The following ZNF469 variants were observed in gnomAD, a reference collection of about 807,000 sequenced individuals.
ZNF469 encodes zinc finger protein 469.
Under a neutral mutation model 1.0 loss-of-function variants are expected in ZNF469, and 1 was observed. The ratio of observed to expected loss-of-function variants is 1.00; its 90% CI spans 0.35 to 4.73. The LOEUF is 4.73. Among genes scored for constraint, ZNF469 ranks in the 30% most tolerant of loss-of-function variants. The pLI is 0.16. For synonymous variants in ZNF469, 2,703 were observed against 2,363.4 expected, an observed-to-expected ratio of 1.14 and a Z score of -4.17; for missense variants, 6,100 against 5,356.3, an observed-to-expected ratio of 1.14 and a Z score of -4.33.
At chr16:88,150,079 G>A in the ZNF469 span, among the ~76,000 whole-genome samples, 38 of 152,290 alleles carry the variant, frequency 2.5e-4, no homozygotes, top group East Asian at 4.4e-3. Context: ...AGGCCGAGGC[G>A]GGTGGATCAC....
the ZNF469 span, among the ~76,000 whole-genome samples, chr16:88,222,371 C>G: frequency 1.3e-5 from 2 of 152,186 alleles, no homozygotes; most frequent in Admixed American, 1.3e-4. Context: ...CCACTGCAGC[C>G]TCAACCTCCT....
At chr16:88,292,276 C>T in the ZNF469 span, among the ~76,000 whole-genome samples, 8 of 152,168 alleles carry the variant, frequency 5.3e-5, no homozygotes, top group Non-Finnish European at 1.2e-4. Context: ...CTTGGGTCCC[C>T]AGCACCGAGG....
intron 1 of ZNF469, among the ~76,000 whole-genome samples, chr16:88,399,786 A>C (rs1408634569): frequency 6.6e-6 from 1 of 152,026 alleles, no homozygotes; most frequent in Non-Finnish European, 1.5e-5. Context: ...CTTCCTTCTC[A>C]CCCAACGCCC....
At chr16:88,331,534 TATC>T in the ZNF469 span, among the ~76,000 whole-genome samples, 2 of 101,236 alleles carry the variant, frequency 2.0e-5, no homozygotes, top group African/African-American at 8.0e-5. Flanking sequence ...CTACCATCAC[TATC>T]ATCACCATCA....
At chr16:88,170,269 G>A in the ZNF469 span, among the ~76,000 whole-genome samples, 9 of 152,172 alleles carry the variant, frequency 5.9e-5, no homozygotes, top group African/African-American at 1.9e-4. This position sits in a 1 kb window ranked among gnomAD's most constrained non-coding sequence, Gnocchi z 4.2. Context: ...CACATCCATC[G>A]CCCTACAGTG....
chr16:88,108,227 G>A, the ZNF469 span, among the ~76,000 whole-genome samples: 3 of 147,518 alleles, frequency 2.0e-5, no homozygotes, highest in African/African-American at 5.3e-5. Flanking sequence ...GCACGTCTGT[G>A]GGGATGCGGG....
the ZNF469 span, among the ~76,000 whole-genome samples, chr16:88,295,850 C>G: frequency 1.3e-5 from 2 of 152,154 alleles, no homozygotes; most frequent in Admixed American, 6.5e-5. Flanking sequence ...GACAGACACT[C>G]TCATCAACAC....
chr16:88,227,627 C>T, the ZNF469 span, among the ~76,000 whole-genome samples: 1 of 151,534 alleles, frequency 6.6e-6, no homozygotes, highest in Admixed American at 6.6e-5. Flanking sequence ...TCCCTGTGTC[C>T]CCGTCTCCCC....
intron 1 of ZNF469, among the ~76,000 whole-genome samples, chr16:88,390,148 C>G (rs1046297418): frequency 6.6e-6 from 1 of 152,216 alleles, no homozygotes; most frequent in African/African-American, 2.4e-5. Context: ...CCGGGAAACC[C>G]AGGACATCCC....
the ZNF469 span, among the ~76,000 whole-genome samples, chr16:88,272,787 C>T: frequency 2.3e-4 from 34 of 145,840 alleles, no homozygotes; most frequent in African/African-American, 8.7e-4. Context: ...GGTGGATGAA[C>T]GGGTGGGTGT....
upstream of ZNF469, among the ~76,000 whole-genome samples, chr16:88,378,666 C>G (rs2092514658): frequency 6.6e-6 from 1 of 152,216 alleles, no homozygotes; most frequent in Admixed American, 6.5e-5. Context: ...CACTCCCACC[C>G]TGAACTAGGG....
chr16:88,430,388 G>T lies in ZNF469; in HGVS notation c.2918G>T (p.Gly973Val), dbSNP rs1379575424. 1.3e-6 allele frequency: 2 copies of T among 1,516,818 alleles called. No individual in the cohort carries two copies. Among genetic ancestry groups the T allele is most frequent in the African/African-American group, 2.8e-5 (2 of 72,320 alleles). The allele number at this position is 1,516,818 out of a possible 1,614,324, so 94.0% of individuals were successfully genotyped here. A position where few individuals can be genotyped will look rare whatever the true frequency, so the allele number is the denominator to read the frequency against. The change falls in exon 3 of 3, where the codon GGC becomes GTC. Residue 973 changes from glycine to valine, a missense_variant. By Grantham distance (109) the Gly-to-Val change is moderately radical (BLOSUM62 -3). Coordinates refer to ENST00000565624, the MANE Select transcript of ZNF469 (RefSeq NM_001367624.2). ...GAGGGGTCGGGGTCGGGCGGCGGCG[G>T]CAGAGCCTCCGGCCTGAGGCCCCGG... The part of the protein sequence containing the change: ...AAEGSGSGGG[G>V]RASGLRPRRN...
At chr16:88,123,631 C>G in the ZNF469 span, among the ~76,000 whole-genome samples, 1 of 151,882 alleles carries the variant, frequency 6.6e-6, no homozygotes, top group Admixed American at 6.6e-5. Flanking sequence ...TTATCAGCAG[C>G]GCCAAACCCT....
chr16:88,268,868 G>A, the ZNF469 span, among the ~76,000 whole-genome samples: 1,025 of 152,340 alleles, frequency 6.7e-3, 10 homozygotes, highest in African/African-American at 0.023. Context: ...TGGGACACCA[G>A]GCAGGTCACC....
In ZNF469 at chr16:88,436,560, TGGGCTTCCC is replaced by T; in HGVS notation, c.9094_9102del (p.Leu3032_Gly3034del). 1 of 1,549,836 alleles carries T rather than the reference TGGGCTTCCC, an allele frequency of 6.5e-7. No individual in the cohort carries two copies. Among genetic ancestry groups the T allele is most frequent in the Non-Finnish European group, 8.7e-7 (1 of 1,146,950 alleles). On this transcript the variant is annotated inframe_deletion, in exon 3 of 3. Transcript: ENST00000565624. ...GCCTGGAGAGAGAACGCTGTGACGG[TGGGCTTCCC>T]GGGAACACCCACCTGCTGCCGCTCC...
chr16:88,276,008 C>T, the ZNF469 span, among the ~76,000 whole-genome samples: 1 of 152,172 alleles, frequency 6.6e-6, no homozygotes, highest in African/African-American at 2.4e-5. Flanking sequence ...GGCAGGACCA[C>T]AGCGCTGCAG....
At chr16:88,332,630 G>A in the ZNF469 span, among the ~76,000 whole-genome samples, 1 of 152,242 alleles carries the variant, frequency 6.6e-6, no homozygotes, top group South Asian at 2.1e-4. Flanking sequence ...TGTGAGGCAG[G>A]GAGAGGGAAG....
At chr16:88,407,133 T>C (rs1905046131) in intron 1 of ZNF469, among the ~76,000 whole-genome samples, 1 of 152,200 alleles carries the variant, frequency 6.6e-6, no homozygotes. Context: ...GACTGAGGTG[T>C]GTGCCCGGCG....
At chr16:88,307,473 G>A in the ZNF469 span, among the ~76,000 whole-genome samples, 2 of 152,276 alleles carry the variant, frequency 1.3e-5, no homozygotes, top group Admixed American at 6.5e-5. Flanking sequence ...AGTGTGGGAG[G>A]GTTTCAAATT....
Sources: gnomAD v4.1 joint callset for allele counts (sites outside exome capture counted in the v4.1 genomes callset) on GRCh38, gnomAD v4.1.1 for gene constraint, Gnocchi (gnomAD v3.1) non-coding constraint, MANE v1.5 for transcripts, NCBI Gene and HGNC (gene_info 2026-07-23, HGNC 2026-07-21) for gene names.